The following TP63 variants were observed in gnomAD, a reference collection of about 807,000 sequenced individuals.
TP63 encodes the protein tumor protein p63, also known as tumor protein 63.
TP63 carries 17 observed loss-of-function variants against 82.8 expected under a neutral mutation model. The observed-to-expected ratio is 0.21, with a 90% CI of 0.14 to 0.31. The LOEUF is 0.31. TP63 is among the 10% of genes least tolerant of loss of function. TP63 has a pLI of 1.00. For missense variants in TP63, 648 were observed against 895.3 expected (o/e 0.72, Z 3.52); for synonymous variants, 330 against 321.7 (o/e 1.03, Z -0.28).
intron 1 of TP63, among the ~76,000 whole-genome samples, chr3:189,649,902 T>G (rs1358939627): frequency 2.0e-5 from 3 of 146,706 alleles, no homozygotes; most frequent in South Asian, 2.2e-4. Flanking sequence ...AATGATTAAC[T>G]TTTTTTCAAA....
At chr3:189,769,402 A>T (rs979646706) in intron 3 of TP63, among the ~76,000 whole-genome samples, 1 of 152,130 alleles carries the variant, frequency 6.6e-6, no homozygotes, top group African/African-American at 2.4e-5. Flanking sequence ...ACTATTACAG[A>T]TGTTCCTGTT....
At chr3:189,749,976 T>C (rs1001410644) in intron 3 of TP63, among the ~76,000 whole-genome samples, 2 of 151,694 alleles carry the variant, frequency 1.3e-5, no homozygotes, top group African/African-American at 4.8e-5. Flanking sequence ...ACAAAAAAAT[T>C]AGCCAGGCAT....
upstream of TP63, chr3:189,631,375 A>C (rs1729445791): frequency 2.0e-6 from 3 of 1,527,618 alleles, no homozygotes; most frequent in Admixed American, 5.8e-5. Flanking sequence ...TGAAGGAGAG[A>C]AGTGCCTAAA....
At chr3:189,835,897 G>C (rs996201015) in intron 4 of TP63, among the ~76,000 whole-genome samples, 1 of 149,688 alleles carries the variant, frequency 6.7e-6, no homozygotes, top group Non-Finnish European at 1.5e-5. Context: ...CTGGGCCACA[G>C]TGCGAGACTC....
chr3:189,812,100 A>G (rs970059610), intron 4 of TP63, among the ~76,000 whole-genome samples: 6 of 152,226 alleles, frequency 3.9e-5, no homozygotes, highest in Non-Finnish European at 7.3e-5. Flanking sequence ...ATTCTTTAAT[A>G]AAAATATTTT....
chr3:189,622,722 A>G, the TP63 span, among the ~76,000 whole-genome samples: 1 of 152,176 alleles, frequency 6.6e-6, no homozygotes, highest in Admixed American at 6.5e-5. Flanking sequence ...AGCTGGGTCC[A>G]TTACAGGCCA....
intron 4 of TP63, among the ~76,000 whole-genome samples, chr3:189,818,100 T>C (rs1028707852): frequency 4.6e-5 from 7 of 151,902 alleles, no homozygotes; most frequent in Admixed American, 2.0e-4. Flanking sequence ...TTTCTTCTAC[T>C]GTGTGTTCAT....
chr3:189,849,676 T>C (rs565957996), intron 4 of TP63, among the ~76,000 whole-genome samples: 1 of 152,326 alleles, frequency 6.6e-6, no homozygotes, highest in East Asian at 1.9e-4. Context: ...TTATTTTTTT[T>C]AATGTCAGTA....
chr3:189,629,672 G>T (rs1729393929), upstream of TP63, among the ~76,000 whole-genome samples: 1 of 152,092 alleles, frequency 6.6e-6, no homozygotes, highest in African/African-American at 2.4e-5. Flanking sequence ...CCTCACCCCA[G>T]ACCTACTGAA....
At chr3:189,639,836 A>C (rs557090230) in intron 1 of TP63, among the ~76,000 whole-genome samples, 2 of 152,286 alleles carry the variant, frequency 1.3e-5, no homozygotes, top group South Asian at 4.1e-4. Context: ...TAGAACATAT[A>C]CAGGTTTATA....
chr3:189,814,577 A>G (rs918129599), intron 4 of TP63, among the ~76,000 whole-genome samples: 1 of 152,270 alleles, frequency 6.6e-6, no homozygotes, highest in African/African-American at 2.4e-5. Context: ...AGCATTGAGC[A>G]TATTAATCTG....
intron 4 of TP63, among the ~76,000 whole-genome samples, chr3:189,845,978 A>C (rs1183236924): frequency 1.3e-5 from 2 of 151,814 alleles, no homozygotes; most frequent in Non-Finnish European, 2.9e-5. Flanking sequence ...GGAGGTGTTG[A>C]AAAATTACGC....
At chr3:189,726,941 G>A (rs1719819778) in intron 1 of TP63, among the ~76,000 whole-genome samples, 1 of 152,218 alleles carries the variant, frequency 6.6e-6, no homozygotes, top group South Asian at 2.1e-4. Context: ...GGTTGCTATT[G>A]CAACTCCTGA....
intron 1 of TP63, among the ~76,000 whole-genome samples, chr3:189,680,337 T>C (rs909670851): frequency 1.3e-5 from 2 of 152,064 alleles, no homozygotes; most frequent in Admixed American, 6.6e-5. Flanking sequence ...TCTTAAGTAT[T>C]TTATTTTTAT....
rs1553845417 is a variant in TP63 at position 189,808,318 on chromosome 3, T to C, written c.371T>C (p.Ile124Thr). The C allele has an allele frequency of 6.2e-7, 1 of 1,614,100 alleles. No individual in the cohort carries two copies. The change falls in exon 4 of 14, where the codon ATT becomes ACT. Residue 124 changes from isoleucine (I) to threonine (T), a missense_variant. Physicochemically the swap from Ile to Thr is moderately conservative, Grantham distance 89. Around this residue, in one of 5 missense-constraint regions of TP63, gnomAD observed 182 missense variants for 213.6 expected, o/e 0.85. Coordinates refer to ENST00000264731, the MANE Select transcript of TP63 (RefSeq NM_003722.5). The stretch of plus-strand genomic sequence containing the variant: ...CTCCTGAACAGCATGGACCAGCAGA[T>C]TCAGAACGGCTCCTCGTCCACCAGT... ...LGLLNSMDQQ[I>T]QNGSSSTSPY...
intron 1 of TP63, among the ~76,000 whole-genome samples, chr3:189,676,486 C>T (rs1371997211): frequency 3.9e-5 from 6 of 151,924 alleles, no homozygotes; most frequent in Admixed American, 3.9e-4. Flanking sequence ...ATAACAGGAT[C>T]TTCCTTTTTA....
intron 3 of TP63, among the ~76,000 whole-genome samples, chr3:189,748,508 C>CAAAAAAAAAAAAAAA (rs58926854): frequency 0.011 from 337 of 31,198 alleles, no homozygotes; most frequent in Middle Eastern, 0.036. Flanking sequence ...AGGAAAACTA[C>CAAAAAAAAAAAAAAA]AAAAAAAAAA....
intron 1 of TP63, among the ~76,000 whole-genome samples, chr3:189,722,416 TC>T (rs2108771243): frequency 6.6e-6 from 1 of 152,286 alleles, no homozygotes; most frequent in Non-Finnish European, 1.5e-5. Flanking sequence ...GTCAAAAGTC[TC>T]CTGTAAAATG....
At chr3:189,641,443 T>G (rs1209963154) in intron 1 of TP63, among the ~76,000 whole-genome samples, 1 of 152,130 alleles carries the variant, frequency 6.6e-6, no homozygotes, top group Non-Finnish European at 1.5e-5. Flanking sequence ...ATTACACAAA[T>G]GAAGTGTTTC....
Sources: gnomAD v4.1 joint callset for allele counts (sites outside exome capture counted in the v4.1 genomes callset) on GRCh38, gnomAD v4.1.1 for gene constraint, gnomAD v4.1.1 regional missense constraint, MANE v1.5 for transcripts, NCBI Gene and HGNC (gene_info 2026-07-23, HGNC 2026-07-21) for gene names.